The following FAM83D variants were observed in gnomAD, a reference collection of about 807,000 sequenced individuals.
The protein encoded by FAM83D is protein FAM83D.
Under a neutral mutation model 25.4 loss-of-function variants are expected in FAM83D, and 26 were observed. The observed-to-expected ratio is 1.02, with a 90% confidence interval of 0.75 to 1.42. FAM83D has a LOEUF of 1.42. Among genes scored for constraint, FAM83D ranks in the 40% most tolerant of loss-of-function variants. The pLI is 0.00. For synonymous variants in FAM83D, 310 were observed against 318.5 expected, an observed-to-expected ratio of 0.97 and a Z score of 0.28; for missense variants, 740 against 758.1, an observed-to-expected ratio of 0.98 and a Z score of 0.28.
chr20:38,939,361 G>GTTTTGT (rs2085692110), intron 1 of FAM83D, among the ~76,000 whole-genome samples: 1 of 145,988 alleles, frequency 6.8e-6, no homozygotes, highest in Admixed American at 6.9e-5. Context: ...GTTTTGTTTT[G>GTTTTGT]TTTTTTGAGA....
In FAM83D at chr20:38,941,816, C is replaced by T. The variant is rs1209930165; in HGVS notation, c.484-143C>T. 1.5e-5 allele frequency: 12 copies of T among 793,486 alleles called. No individual in the cohort carries two copies. In the East Asian group the frequency reaches 3.0e-4, roughly 20 times the overall value. 49.2% of individuals were successfully genotyped at this position (793,486 alleles called of 1,614,324 possible). ...AAAAGAGTCCATGGTGAGGGGGGCA[C>T]CAACACTGCAGAAGGGGGAGGGAAG... On this transcript the variant is annotated intron_variant, in intron 1 of 3. Coordinates refer to ENST00000619850, the MANE Select transcript of FAM83D (RefSeq NM_030919.3).
At position 38,952,583 on chromosome 20, in the gene FAM83D, TTTAAAAAATATCTTATG is replaced by T; in HGVS notation, c.*65_*81del. ...ACAGTGGACATCATCAGCTTCCTGC[TTTAAAAAATATCTTATG>T]TCCCTAATTGCCTTTCTTTTACCTG... On this transcript the variant is annotated 3_prime_UTR_variant, in exon 4 of 4. Coordinates refer to ENST00000619850, the MANE Select transcript of FAM83D (RefSeq NM_030919.3). 1 of 1,520,016 alleles carries T rather than the reference TTTAAAAAATATCTTATG, an allele frequency of 6.6e-7. No homozygotes were observed. 94.2% of individuals were successfully genotyped at this position (1,520,016 alleles called of 1,614,324 possible).
Position 38,926,434 on chromosome 20 carries a change from A to C in FAM83D, c.-9A>C. ...TTTTGTCCGAGGGCTGTCGAGTCCG[A>C]GCGCCGCCATGGCTCTGCTGTCCGA... On this transcript the variant is annotated 5_prime_UTR_variant, in exon 1 of 4. Coordinates refer to ENST00000619850, the MANE Select transcript of FAM83D (RefSeq NM_030919.3). 1 of 1,597,890 alleles carries C rather than the reference A, an allele frequency of 6.3e-7. No individual in the cohort carries two copies. The highest frequency in any genetic ancestry group is 1.1e-5 in the South Asian group (1 of 90,906).
In FAM83D at chr20:38,926,933, G is replaced by A. The variant is rs758548982; in HGVS notation, c.483+8G>A. ...CTCCGCTCGGCGCGAGAGGTGAGCG[G>A]CCCTCCAGGGCCCTGGGTCGCACGG... On this transcript the variant is annotated splice_region_variant and intron_variant, in intron 1 of 3. Transcript: ENST00000619850. The A allele has an allele frequency of 6.8e-5, 98 of 1,437,352 alleles. 1 individual carries two copies. The East Asian group carries it at 2.3e-3, about 34-fold the overall frequency. The allele number at this position is 1,437,352 out of a possible 1,614,324, so 89.0% of individuals were successfully genotyped here.
intron 1 of FAM83D, among the ~76,000 whole-genome samples, chr20:38,935,440 T>TA (rs1385055207): frequency 6.6e-6 from 1 of 152,160 alleles, no homozygotes; most frequent in Non-Finnish European, 1.5e-5. Flanking sequence ...TTGTTTTATT[T>TA]GGTTGCTTGT....
At position 38,926,417 on chromosome 20, in the gene FAM83D, G is replaced by A; in HGVS notation, c.-26G>A. On this transcript the variant is annotated 5_prime_UTR_variant, in exon 1 of 4. Transcript: ENST00000619850. ...CGGGACTGCACGCCGGTTTTTGTCC[G>A]AGGGCTGTCGAGTCCGAGCGCCGCC... 6.3e-7 allele frequency: 1 copy of A among 1,596,432 alleles called. No homozygotes were observed. The highest frequency in any genetic ancestry group is 2.2e-5 in the East Asian group (1 of 44,564).
Position 38,952,419 on chromosome 20 carries a change from A to G in FAM83D, c.1657A>G (p.Thr553Ala), listed in dbSNP as rs2145809993. ...NHMLAMLSRR[T>A]LFTENHLGLH... ...CATGCTGGCTATGCTGTCAAGGAGA[A>G]CACTCTTTACTGAAAACCACCTTGG... The change falls in exon 4 of 4, where the codon ACA becomes GCA. Residue 553 changes from threonine to alanine, a missense_variant. Transcript: ENST00000619850. 3 of 1,614,192 alleles carry G rather than the reference A, an allele frequency of 1.9e-6. No homozygotes were observed. Among genetic ancestry groups the G allele is most frequent in the Admixed American group, 1.7e-5 (1 of 60,032 alleles).
chr20:38,942,380 A>T (rs1310844802), intron 2 of FAM83D, among the ~76,000 whole-genome samples: 1 of 152,240 alleles, frequency 6.6e-6, no homozygotes, highest in East Asian at 1.9e-4. Context: ...AGCATTATTC[A>T]TAAAGCCAAA....
chr20:38,946,760 T>G (rs2085730293), intron 2 of FAM83D, among the ~76,000 whole-genome samples: 3 of 152,376 alleles, frequency 2.0e-5, no homozygotes, highest in Admixed American at 6.5e-5. Context: ...ATCAACAGTT[T>G]GTTCCTTTTC....
intron 1 of FAM83D, among the ~76,000 whole-genome samples, chr20:38,928,684 A>G (rs984601699): frequency 6.6e-6 from 1 of 152,154 alleles, no homozygotes; most frequent in African/African-American, 2.4e-5. Context: ...GCCAGAGGGA[A>G]ACTATTAAAC....
chr20:38,952,538 T>C lies in FAM83D; in HGVS notation c.*18T>C, dbSNP rs768943338. On this transcript the variant is annotated 3_prime_UTR_variant, in exon 4 of 4. Coordinates refer to ENST00000619850, the MANE Select transcript of FAM83D (RefSeq NM_030919.3). ...ATCAGTAACTGCTCCGTGTTCAGAC[T>C]CCTGGTTTCTTCCAGGCTTACAGTG... 6.3e-7 allele frequency: 1 copy of C among 1,599,220 alleles called. No individual in the cohort carries two copies. The highest frequency in any genetic ancestry group is 2.2e-5 in the East Asian group (1 of 44,708).
chr20:38,926,996 G>A (rs2145797670), intron 1 of FAM83D, 71 bp downstream of exon 1: 1 of 1,402,564 alleles, frequency 7.1e-7, no homozygotes, highest in African/African-American at 1.5e-5. Context: ...AGGCCTGCTG[G>A]GAGTACGGGC....
At chr20:38,928,917 G>A (rs2085647748) in intron 1 of FAM83D, among the ~76,000 whole-genome samples, 1 of 152,164 alleles carries the variant, frequency 6.6e-6, no homozygotes, top group Non-Finnish European at 1.5e-5. Flanking sequence ...AGTGGCTCAA[G>A]CCTGTAATCC....
intron 1 of FAM83D, among the ~76,000 whole-genome samples, chr20:38,929,862 G>A (rs1051299358): frequency 1.3e-5 from 2 of 152,010 alleles, no homozygotes; most frequent in Admixed American, 6.6e-5. Context: ...AGGAAGGTGC[G>A]ATTATCATCT....
chr20:38,938,364 C>G (rs2085687269), intron 1 of FAM83D, among the ~76,000 whole-genome samples: 2 of 152,188 alleles, frequency 1.3e-5, no homozygotes, highest in African/African-American at 4.8e-5. Context: ...GCCCGTCACA[C>G]TCTGTTACCC....
chr20:38,931,133 C>T (rs1188372387), intron 1 of FAM83D, among the ~76,000 whole-genome samples: 3 of 152,240 alleles, frequency 2.0e-5, no homozygotes, highest in Admixed American at 6.5e-5. Context: ...AGGATTGGAG[C>T]TTTGGTAGTT....
chr20:38,943,888 C>T (rs1342446064), intron 2 of FAM83D, among the ~76,000 whole-genome samples: 1 of 152,248 alleles, frequency 6.6e-6, no homozygotes, highest in African/African-American at 2.4e-5. Context: ...GACAGGGTTT[C>T]ACCATGTTGG....
intron 1 of FAM83D, among the ~76,000 whole-genome samples, chr20:38,940,768 T>G (rs2085698559): frequency 6.6e-6 from 1 of 152,168 alleles, no homozygotes; most frequent in Non-Finnish European, 1.5e-5. Flanking sequence ...AAGGTGTGAT[T>G]AGAGGCATTG....
At chr20:38,948,464 C>G (rs1472846962) in intron 3 of FAM83D, among the ~76,000 whole-genome samples, 2 of 152,188 alleles carry the variant, frequency 1.3e-5, no homozygotes, top group African/African-American at 4.8e-5. Flanking sequence ...TTGCTTCAAG[C>G]CTTGTAATTT....
Sources: gnomAD v4.1 joint callset for allele counts (sites outside exome capture counted in the v4.1 genomes callset) on GRCh38, gnomAD v4.1.1 for gene constraint, MANE v1.5 for transcripts, NCBI Gene and HGNC (gene_info 2026-07-23, HGNC 2026-07-21) for gene names.